The following MAF variants were observed in gnomAD, a reference collection of about 807,000 sequenced individuals.
MAF encodes the protein MAF bZIP transcription factor.
Under a neutral mutation model 22.0 loss-of-function variants are expected in MAF, and 10 were observed. The observed-to-expected ratio is 0.45, with a 90% CI of 0.28 to 0.77. The LOEUF is 0.77. Ranked by LOEUF, MAF falls within the 30% of genes least tolerant of loss-of-function variation. The pLI is 0.12. For synonymous variants in MAF, 337 were observed against 255.8 expected (o/e 1.32, Z -3.03); for missense variants, 544 against 548.4 (o/e 0.99, Z 0.08).
chr16:79,301,286 G>A, the MAF span, among the ~76,000 whole-genome samples: 2 of 152,156 alleles, frequency 1.3e-5, no homozygotes, highest in Admixed American at 6.5e-5. Context: ...GCTGACCAGC[G>A]AGACCCTGGG....
the MAF span, among the ~76,000 whole-genome samples, chr16:79,387,696 A>G: frequency 7.7e-4 from 118 of 152,352 alleles, 1 homozygote; most frequent in African/African-American, 2.6e-3. Context: ...TAAAGGGAAC[A>G]AACTATAGTT....
chr16:79,600,181 C>T lies in MAF; in HGVS notation c.-279G>A. On this transcript the variant is annotated 5_prime_UTR_variant, in exon 1 of 2. Coordinates refer to ENST00000326043, the MANE Select transcript of MAF (RefSeq NM_005360.5). ...CTCCTTGCTCGCTCGCCTCCTTGCGCGCCGAGCCGGCGGCTTCAGGCTCGG... is the reference window on the plus strand; with the variant it reads ...CTCCTTGCTCGCTCGCCTCCTTGCGTGCCGAGCCGGCGGCTTCAGGCTCGG... 1 of 380,958 alleles carries T rather than the reference C, an allele frequency of 2.6e-6. No homozygotes were observed. 23.6% of individuals were successfully genotyped at this position (380,958 alleles called of 1,614,324 possible).
chr16:79,570,084 T>G, the MAF span, among the ~76,000 whole-genome samples: 2 of 151,744 alleles, frequency 1.3e-5, no homozygotes, highest in Non-Finnish European at 2.9e-5. Context: ...GGAAGCTATT[T>G]ATTTAGACTC....
chr16:79,322,857 A>ATAGGCAATTG, the MAF span, among the ~76,000 whole-genome samples: 1 of 152,158 alleles, frequency 6.6e-6, no homozygotes, highest in African/African-American at 2.4e-5. Context: ...TTTTCCTTCA[A>ATAGGCAATTG]TAGGCAATTG....
At chr16:79,441,737 T>A in the MAF span, among the ~76,000 whole-genome samples, 2 of 152,094 alleles carry the variant, frequency 1.3e-5, no homozygotes, top group Non-Finnish European at 2.9e-5. Flanking sequence ...AGAAGAAAGA[T>A]GTTTTGGGGG....
the MAF span, among the ~76,000 whole-genome samples, chr16:79,472,169 C>G: frequency 2.9e-4 from 44 of 152,192 alleles, no homozygotes; most frequent in African/African-American, 1.1e-3. Context: ...CCAGTCAACC[C>G]TCAAGCAGCT....
chr16:79,531,305 G>C, the MAF span, among the ~76,000 whole-genome samples: 1 of 152,118 alleles, frequency 6.6e-6, no homozygotes, highest in South Asian at 2.1e-4. Context: ...AAAAATCTGG[G>C]AATCTTTAAG....
the MAF span, among the ~76,000 whole-genome samples, chr16:79,253,575 G>A: frequency 2.0e-5 from 3 of 152,152 alleles, no homozygotes; most frequent in Non-Finnish European, 4.4e-5. Context: ...GCAGGTGTGT[G>A]TATGTGCATG....
the MAF span, among the ~76,000 whole-genome samples, chr16:79,290,340 C>G: frequency 6.6e-6 from 1 of 152,180 alleles, no homozygotes; most frequent in East Asian, 1.9e-4. Flanking sequence ...ATCATACGGG[C>G]TCTGCGGCAA....
chr16:79,446,915 C>G, the MAF span, among the ~76,000 whole-genome samples: 2 of 149,902 alleles, frequency 1.3e-5, no homozygotes, highest in African/African-American at 4.9e-5. Flanking sequence ...GACACTGTCT[C>G]AAGAAAAATT....
the MAF span, among the ~76,000 whole-genome samples, chr16:79,209,145 G>A: frequency 2.6e-5 from 4 of 152,166 alleles, no homozygotes; most frequent in Non-Finnish European, 4.4e-5. Context: ...TAAAAAGTTA[G>A]GCTTTTCAAA....
At chr16:79,274,450 C>T in the MAF span, among the ~76,000 whole-genome samples, 1 of 152,032 alleles carries the variant, frequency 6.6e-6, no homozygotes, top group African/African-American at 2.4e-5. Flanking sequence ...CCAAGGGGAC[C>T]CCAATGCAAA....
chr16:79,226,533 T>C, the MAF span, among the ~76,000 whole-genome samples: 5 of 151,996 alleles, frequency 3.3e-5, no homozygotes, highest in African/African-American at 1.2e-4. Context: ...TATAAAAAAA[T>C]TTAAAAACAA....
the MAF span, among the ~76,000 whole-genome samples, chr16:79,357,419 G>A: frequency 1.3e-5 from 2 of 152,194 alleles, no homozygotes; most frequent in African/African-American, 4.8e-5. Flanking sequence ...GCAACAGAGT[G>A]AGACACTGTC....
chr16:79,262,424 G>A, the MAF span, among the ~76,000 whole-genome samples: 1 of 152,224 alleles, frequency 6.6e-6, no homozygotes, highest in African/African-American at 2.4e-5. Context: ...ATTTTGGGAT[G>A]TTTTTGTGGC....
At chr16:79,467,024 C>T in the MAF span, among the ~76,000 whole-genome samples, 1 of 152,194 alleles carries the variant, frequency 6.6e-6, no homozygotes, top group Admixed American at 6.5e-5. Flanking sequence ...CCAAGCCATG[C>T]CCCTAAGCTG....
the MAF span, among the ~76,000 whole-genome samples, chr16:79,425,651 G>C: frequency 4.9e-5 from 7 of 144,300 alleles, no homozygotes; most frequent in Non-Finnish European, 8.9e-5. Flanking sequence ...CATATATGGA[G>C]CATCAATTTA....
At chr16:79,339,321 A>C in the MAF span, among the ~76,000 whole-genome samples, 5 of 152,110 alleles carry the variant, frequency 3.3e-5, no homozygotes, top group Non-Finnish European at 7.4e-5. Context: ...GGCCTCCCAG[A>C]GTGCTGGGAT....
chr16:79,440,265 A>G, the MAF span, among the ~76,000 whole-genome samples: 1 of 152,192 alleles, frequency 6.6e-6, no homozygotes, highest in East Asian at 1.9e-4. Context: ...GCTGCCTTGA[A>G]GCACACACCA....
Sources: allele counts gnomAD v4.1 joint callset (sites outside exome capture counted in the v4.1 genomes callset), GRCh38; gene constraint gnomAD v4.1.1; transcripts MANE v1.5; gene names NCBI Gene and HGNC (gene_info 2026-07-23, HGNC 2026-07-21).